RALYL: variants seen among roughly 807,000 people sequenced by gnomAD.
RALYL encodes RNA-binding Raly-like protein.
Under a neutral mutation model 35.1 loss-of-function variants are expected in RALYL, and 29 were observed. The observed-to-expected ratio is 0.83, with a 90% CI of 0.61 to 1.13. RALYL has a LOEUF of 1.13. RALYL is among the 50% of genes most tolerant of loss of function. The pLI is 0.00. For synonymous variants in RALYL, 120 were observed against 127.6 expected (o/e 0.94, Z 0.40); for missense variants, 359 against 360.4 (o/e 1.00, Z 0.03).
chr8:84,469,322 G>C (rs1365977378), intron 1 of RALYL, among the ~76,000 whole-genome samples: 6 of 151,998 alleles, frequency 3.9e-5, no homozygotes, highest in Non-Finnish European at 8.8e-5. Context: ...TGGGTTTTTG[G>C]TGTGGATGTC....
intron 1 of RALYL, among the ~76,000 whole-genome samples, chr8:84,258,580 T>A (rs1317404034): frequency 6.6e-6 from 1 of 152,140 alleles, no homozygotes; most frequent in Non-Finnish European, 1.5e-5. Context: ...TTCTATAATT[T>A]ATGTCTGGGA....
At chr8:84,310,746 T>C (rs1842604311) in intron 1 of RALYL, among the ~76,000 whole-genome samples, 1 of 151,680 alleles carries the variant, frequency 6.6e-6, no homozygotes, top group Non-Finnish European at 1.5e-5. Flanking sequence ...AATTCTAATG[T>C]ATGATTAAAA....
intron 2 of RALYL, among the ~76,000 whole-genome samples, chr8:84,600,837 T>C (rs1382786182): frequency 1.3e-5 from 2 of 152,110 alleles, no homozygotes; most frequent in Non-Finnish European, 2.9e-5. Flanking sequence ...AAACAGAACC[T>C]GTTGAAATGT....
intron 8 of RALYL, among the ~76,000 whole-genome samples, chr8:84,913,032 A>ATGGATGGATAGG (rs567355226): frequency 8.2e-4 from 89 of 109,096 alleles, no homozygotes; most frequent in African/African-American, 2.7e-3. Context: ...GGATGGATGG[A>ATGGATGGATAGG]TAGGTAGGTA....
intron 1 of RALYL, among the ~76,000 whole-genome samples, chr8:84,443,362 G>A (rs2048529375): frequency 1.3e-5 from 2 of 152,086 alleles, no homozygotes; most frequent in Non-Finnish European, 2.9e-5. Flanking sequence ...ATGAAGACAA[G>A]GAAAGTAACT....
At chr8:84,437,405 G>A (rs1013138197) in intron 1 of RALYL, among the ~76,000 whole-genome samples, 1 of 152,094 alleles carries the variant, frequency 6.6e-6, no homozygotes, top group Non-Finnish European at 1.5e-5. Context: ...TTGAATGGTA[G>A]TCCTAAGATC....
At position 84,318,956 on chromosome 8, in the gene RALYL, G is replaced by A. The variant is rs545553142; in HGVS notation, c.-24+134532G>A. ...ATAGAATGGCCTGCCAACACATGCT[G>A]TGTTTGACATGGATAACACTGCTTT... On this transcript the variant is annotated intron_variant, in intron 1 of 8. Coordinates refer to ENST00000521268, the MANE Select transcript of RALYL (RefSeq NM_173848.7). Among the ~76,000 whole-genome samples the A allele has an allele frequency of 3.3e-5, 5 of 152,316 alleles. No individual in the cohort carries two copies. In the South Asian group the frequency reaches 1.0e-3, roughly 32 times the overall value.
chr8:84,469,969 A>G lies in RALYL; in HGVS notation c.-23-59330A>G, dbSNP rs938492358. Among the ~76,000 whole-genome samples the G allele has an allele frequency of 7.2e-5, 11 of 152,266 alleles. No homozygotes were observed. In the East Asian group the frequency reaches 9.7e-4, roughly 13 times the overall value. ...ACTCCCTGACCCCTTGCGCTTCCCA[A>G]GTGAGGCAATGCCTCGCCCTGCTTC... On this transcript the variant is annotated intron_variant, in intron 1 of 8. Coordinates refer to ENST00000521268, the MANE Select transcript of RALYL (RefSeq NM_173848.7).
intron 4 of RALYL, among the ~76,000 whole-genome samples, chr8:84,835,643 A>T (rs1184559191): frequency 3.4e-5 from 5 of 146,264 alleles, no homozygotes; most frequent in Admixed American, 2.8e-4. Context: ...AGATCGTGCC[A>T]TTGCACTCCA....
intron 1 of RALYL, among the ~76,000 whole-genome samples, chr8:84,342,242 GCCTTAAC>G (rs1218807253): frequency 8.9e-6 from 1 of 111,888 alleles, no homozygotes; most frequent in Admixed American, 9.6e-5. Context: ...TGTTAACAAT[GCCTTAAC>G]AGTGAGTGAG....
At chr8:84,674,904 G>GC (rs1564352167) in intron 2 of RALYL, among the ~76,000 whole-genome samples, 1 of 151,154 alleles carries the variant, frequency 6.6e-6, no homozygotes, top group Non-Finnish European at 1.5e-5. Context: ...AGTTAAAGTT[G>GC]TTTCTTGGAT....
intron 2 of RALYL, among the ~76,000 whole-genome samples, chr8:84,756,773 A>G (rs1443871896): frequency 7.0e-6 from 1 of 142,330 alleles, no homozygotes; most frequent in Non-Finnish European, 1.5e-5. Flanking sequence ...ATATGTTGTA[A>G]AAGGTGTTTT....
chr8:84,446,463 G>A (rs746861476), intron 1 of RALYL, among the ~76,000 whole-genome samples: 4 of 151,978 alleles, frequency 2.6e-5, no homozygotes, highest in Admixed American at 2.6e-4. Context: ...TCAATAGTAC[G>A]CTGTTAATTA....
intron 1 of RALYL, among the ~76,000 whole-genome samples, chr8:84,281,094 G>C (rs1585898446): frequency 6.6e-6 from 1 of 152,106 alleles, no homozygotes; most frequent in South Asian, 2.1e-4. Flanking sequence ...AGTGGTGTTA[G>C]CATGACTATA....
At chr8:84,765,120 G>A (rs1032679969) in intron 2 of RALYL, among the ~76,000 whole-genome samples, 1 of 152,170 alleles carries the variant, frequency 6.6e-6, no homozygotes, top group Admixed American at 6.5e-5. Flanking sequence ...GTTGGGAGTT[G>A]AATTTTCTTC....
rs1166815590 is a variant in RALYL, at chr8:84,921,171, A to C, written c.*260A>C. ...TAATTATGTTTTTTTTTTCAGTCTT[A>C]AAATGTGAAAGGCATTTATGAATGG... On this transcript the variant is annotated 3_prime_UTR_variant, in exon 9 of 9. Coordinates refer to ENST00000521268, the MANE Select transcript of RALYL (RefSeq NM_173848.7). 3.3e-6 allele frequency: 1 copy of C among 299,882 alleles called. No individual in the cohort carries two copies. The highest frequency in any genetic ancestry group is 6.1e-6 in the Non-Finnish European group (1 of 164,512). The allele number at this position is 299,882 out of a possible 1,614,324, so 18.6% of individuals were successfully genotyped here.
intron 1 of RALYL, among the ~76,000 whole-genome samples, chr8:84,343,520 T>C (rs944509007): frequency 6.6e-6 from 1 of 152,146 alleles, no homozygotes; most frequent in Non-Finnish European, 1.5e-5. Flanking sequence ...AATTAAGTAA[T>C]TCTACCCCTA....
chr8:84,386,408 T>C (rs1859206889), intron 1 of RALYL, among the ~76,000 whole-genome samples: 1 of 151,876 alleles, frequency 6.6e-6, no homozygotes, highest in Admixed American at 6.6e-5. Context: ...ATTTAATTGG[T>C]GGTAATATAA....
In RALYL at chr8:84,702,082, C is replaced by T. The variant is rs563321795; in HGVS notation, c.257-72497C>T. 1.5e-4 allele frequency among the ~76,000 whole-genome samples: 23 copies of T among 152,172 alleles called. No homozygotes were observed. The South Asian group carries it at 2.1e-3, about 14-fold the overall frequency. The stretch of plus-strand genomic sequence containing the variant: ...AAAAATGAAACCAATAATAACAATA[C>T]GTACATCATAGGACTGTTTTCAGTG... On this transcript the variant is annotated intron_variant, in intron 2 of 8. Coordinates refer to ENST00000521268, the MANE Select transcript of RALYL (RefSeq NM_173848.7).
Sources: gnomAD v4.1 joint callset for allele counts (sites outside exome capture counted in the v4.1 genomes callset) on GRCh38, gnomAD v4.1.1 for gene constraint, MANE v1.5 for transcripts, NCBI Gene and HGNC (gene_info 2026-07-23, HGNC 2026-07-21) for gene names.